Variants in STAG2 observed in about 807,000 individuals in gnomAD.
The protein encoded by STAG2 is cohesin subunit SA-2.
In STAG2, 14 loss-of-function variants were observed where a neutral mutation model predicts 108.1. The ratio of observed to expected loss-of-function variants is 0.13; its 90% CI spans 0.09 to 0.20. The LOEUF (loss-of-function observed/expected upper bound fraction) is 0.20. Ranked by LOEUF, STAG2 falls within the 10% of genes least tolerant of loss-of-function variation. STAG2 has a pLI of 1.00. For missense variants in STAG2, 440 were observed against 940.9 expected (o/e 0.47, Z 6.96); for synonymous variants, 307 against 302.7 (o/e 1.01, Z -0.15).
Position 124,090,716 on chromosome X carries a change from G to A in STAG2, c.3419G>A (p.Ser1140Asn), listed in dbSNP as rs1329196016. 8.3e-7 allele frequency: 1 copy of A among 1,209,909 alleles called. No individual in the cohort carries two copies. ...KRLRPEDSFM[S>N]VYPMQTEHHQ... is the part of the protein sequence containing the mutation. Reference sequence around the variant, plus strand: ...TTACGGCCTGAGGATAGCTTCATGAGTGTTTATCCAATGCAGACTGAACAT... The same window carrying A: ...TTACGGCCTGAGGATAGCTTCATGAATGTTTATCCAATGCAGACTGAACAT... Residue 1140 changes from serine to asparagine, a missense_variant, in exon 31 of 35, where the codon AGT (serine) becomes AAT (asparagine). Ser to Asn is a conservative substitution (Grantham distance 46). Transcript: ENST00000371145.
Position 124,022,512 on chromosome X carries a change from C to A in STAG2, c.-97-19C>A. ...TTTTTGGTGCATTTGTAATAAATGT[C>A]ATTTTCTCCTTTTTAAAGGAATTGT... On this transcript the variant is annotated intron_variant, in intron 2 of 34. Coordinates refer to ENST00000371145, the MANE Select transcript of STAG2 (RefSeq NM_001042750.2). 2 of 563,960 alleles carry A rather than the reference C, an allele frequency of 3.5e-6. No homozygotes were observed. Among genetic ancestry groups the A allele is most frequent in the South Asian group, 3.4e-5 (1 of 29,507 alleles). The allele number at this position is 563,960 out of a possible 1,213,427, so 46.5% of individuals were successfully genotyped here. A position where few individuals can be genotyped will look rare whatever the true frequency, so the allele number is the denominator to read the frequency against.
At chrX:124,008,455 C>T (rs1055469515) in intron 1 of STAG2, among the ~76,000 whole-genome samples, 4 of 110,869 alleles carry the variant, frequency 3.6e-5, no homozygotes, top group Admixed American at 1.9e-4. Flanking sequence ...TCAGGTGATC[C>T]GCCTGCCTCA....
intron 32 of STAG2, among the ~76,000 whole-genome samples, chrX:124,092,446 C>A (rs1473581919): frequency 8.9e-6 from 1 of 111,904 alleles, no homozygotes; most frequent in Non-Finnish European, 1.9e-5. Context: ...TTCTGCCATG[C>A]AATCATTTGG....
At chrX:124,001,093 A>C in intron 1 of STAG2, among the ~76,000 whole-genome samples, 1 of 111,138 alleles carries the variant, frequency 9.0e-6, no homozygotes, top group East Asian at 2.8e-4. Context: ...GAAGAAAAAA[A>C]ATTTTTTTTT....
chrX:124,102,550 T>C lies in STAG2; in HGVS notation c.*1953T>C, dbSNP rs183365442. The C allele has an allele frequency of 8.0e-5, 12 of 150,078 alleles. No homozygotes were observed. The highest frequency in any genetic ancestry group is 2.4e-4 in the African/African-American group (8 of 32,720). 12.4% of individuals were successfully genotyped at this position (150,078 alleles called of 1,213,427 possible). ...AAGGGGGAGGGTGGCTATAAATGGTTTGCAAATTTATATCTATTATCACAT... is the reference window on the plus strand; with the variant it reads ...AAGGGGGAGGGTGGCTATAAATGGTCTGCAAATTTATATCTATTATCACAT... On this transcript the variant is annotated 3_prime_UTR_variant, in exon 35 of 35. Transcript: ENST00000371145.
chrX:124,097,678 C>T (rs1381699562), intron 34 of STAG2: 1 of 339,655 alleles, frequency 2.9e-6, no homozygotes, highest in South Asian at 2.6e-5. Flanking sequence ...TCTCAGCAAC[C>T]GTGTGAGAAA....
At chrX:124,080,092 A>G (rs942079428) in intron 27 of STAG2, among the ~76,000 whole-genome samples, 4 of 111,677 alleles carry the variant, frequency 3.6e-5, no homozygotes, top group African/African-American at 9.8e-5. Flanking sequence ...AATTAACATA[A>G]ACATTACATC....
At chrX:124,018,444 CATTGGATG>C (rs1293873016) in intron 1 of STAG2, among the ~76,000 whole-genome samples, 9 of 73,443 alleles carry the variant, frequency 1.2e-4, no homozygotes, top group African/African-American at 4.7e-4. Context: ...GGGGGAAACA[CATTGGATG>C]GATGGATGGA....
intron 28 of STAG2, among the ~76,000 whole-genome samples, chrX:124,082,128 T>C (rs1279786221): frequency 9.0e-6 from 1 of 111,230 alleles, no homozygotes; most frequent in Non-Finnish European, 1.9e-5. Context: ...TTTATCAACT[T>C]TTGTCATGAT....
chrX:124,061,768 T>TTTTGAAAAA lies in STAG2; in HGVS notation c.1535-3_1535-2insTTTGAAAAA. On this transcript the variant is annotated splice_polypyrimidine_tract_variant and splice_region_variant and intron_variant, in intron 16 of 34. Transcript: ENST00000371145. ...CTTTTTTTTTTTTTTTTTTTTTTTTTAGCACTAACAGATAGGCAAGAGAGT... is the reference window on the plus strand; with the variant it reads ...CTTTTTTTTTTTTTTTTTTTTTTTTTTTTGAAAAAAGCACTAACAGATAGGCAAGAGAGT... 1 of 895,485 alleles carries TTTTGAAAAA rather than the reference T, an allele frequency of 1.1e-6. No homozygotes were observed. The highest frequency in any genetic ancestry group is 1.5e-6 in the Non-Finnish European group (1 of 660,454). The allele number at this position is 895,485 out of a possible 1,213,427, so 73.8% of individuals were successfully genotyped here.
chrX:124,051,767 T>C (rs1203269560), intron 13 of STAG2, among the ~76,000 whole-genome samples: 6 of 110,574 alleles, frequency 5.4e-5, no homozygotes, highest in Admixed American at 3.9e-4. Flanking sequence ...ATTTTTTGTA[T>C]TTTTAGTAGA....
intron 13 of STAG2, 37 bp downstream of exon 13, chrX:124,051,431 C>T (rs2058033882): frequency 9.6e-7 from 1 of 1,041,308 alleles, no homozygotes; most frequent in Non-Finnish European, 1.3e-6. Flanking sequence ...CACTAATGTT[C>T]AGATATCTAA....
chrX:124,097,179 C>CAAAAAAAAA (rs56942682), intron 34 of STAG2, among the ~76,000 whole-genome samples: 1 of 38,194 alleles, frequency 2.6e-5, no homozygotes, highest in African/African-American at 1.2e-4. Flanking sequence ...GACCCTGTCT[C>CAAAAAAAAA]AAAAAAAAAA....
chrX:124,048,989 ATG>A lies in STAG2; in HGVS notation c.820-12_820-11del. On this transcript the variant is annotated splice_polypyrimidine_tract_variant and intron_variant, in intron 9 of 34. Transcript: ENST00000371145. ...CTTCCTTTACAATTGAAAAGAAATG[ATG>A]TGTTTTTTTACAGCTTCAGGAAAAT... The A allele has an allele frequency of 8.6e-7, 1 of 1,158,742 alleles. No individual in the cohort carries two copies. Among genetic ancestry groups the A allele is most frequent in the Non-Finnish European group, 1.2e-6 (1 of 849,460 alleles).
At position 124,022,727 on chromosome X, in the gene STAG2, G is replaced by A. The variant is rs2056972219; in HGVS notation, c.44+56G>A. Reference sequence around the variant, plus strand: ...ATACTTGTTTATTCCACAAAATGGGGAATGCATTAACTTCAGTTAAATTTC... The same window carrying A: ...ATACTTGTTTATTCCACAAAATGGGAAATGCATTAACTTCAGTTAAATTTC... On this transcript the variant is annotated intron_variant, in intron 3 of 34. Coordinates refer to ENST00000371145, the MANE Select transcript of STAG2 (RefSeq NM_001042750.2). The A allele has an allele frequency of 4.1e-5, 34 of 833,525 alleles. No homozygotes were observed. In the South Asian group the frequency reaches 9.0e-4, roughly 22 times the overall value. The allele number at this position is 833,525 out of a possible 1,213,427, so 68.7% of individuals were successfully genotyped here. A position where few individuals can be genotyped will look rare whatever the true frequency, so the allele number is the denominator to read the frequency against.
chrX:124,082,444 C>T (rs928746910), intron 28 of STAG2, among the ~76,000 whole-genome samples: 2 of 112,023 alleles, frequency 1.8e-5, no homozygotes, highest in African/African-American at 6.5e-5. Context: ...TTTAGATTCT[C>T]GGACTCTCCT....
intron 34 of STAG2, 99 bp downstream of exon 34, chrX:124,095,548 A>G (rs2059356544): frequency 1.6e-6 from 1 of 619,253 alleles, no homozygotes; most frequent in Non-Finnish European, 2.6e-6. Context: ...CTGAGAATAG[A>G]TGAAAACAGC....
At chrX:124,097,172 CCT>C (rs2059402674) in intron 34 of STAG2, among the ~76,000 whole-genome samples, 1 of 71,730 alleles carries the variant, frequency 1.4e-5, no homozygotes, top group African/African-American at 5.6e-5. Flanking sequence ...GAGCCGAGAC[CCT>C]GTCTCAAAAA....
chrX:124,038,816 G>A (rs1363018613), intron 6 of STAG2, among the ~76,000 whole-genome samples: 1 of 111,826 alleles, frequency 8.9e-6, no homozygotes, highest in African/African-American at 3.2e-5. Flanking sequence ...TAAAATAAAA[G>A]TAGCTTTAAT....
Sources: gnomAD v4.1 joint callset for allele counts (sites outside exome capture counted in the v4.1 genomes callset) on GRCh38, gnomAD v4.1.1 for gene constraint, MANE v1.5 for transcripts, NCBI Gene and HGNC (gene_info 2026-07-23, HGNC 2026-07-21) for gene names.